Variants in FLNB observed in about 807,000 individuals in gnomAD.
FLNB encodes filamin B, also known as filamin-B.
In FLNB, 111 loss-of-function variants were observed where a neutral mutation model predicts 250.6. The observed-to-expected ratio is 0.44, with a 90% CI of 0.38 to 0.52. The LOEUF is 0.52. FLNB is among the 20% of genes least tolerant of loss of function. The pLI is 0.00. For synonymous variants in FLNB, 1,302 were observed against 1,372.1 expected, an observed-to-expected ratio of 0.95 and a Z score of 1.13; for missense variants, 2,869 against 3,447.8, an observed-to-expected ratio of 0.83 and a Z score of 4.20.
intron 1 of FLNB, among the ~76,000 whole-genome samples, chr3:58,067,044 G>C (rs2097186584): frequency 6.6e-6 from 1 of 152,186 alleles, no homozygotes; most frequent in Non-Finnish European, 1.5e-5. Flanking sequence ...TCAAATCAGG[G>C]ATTAGGGAAT....
chr3:58,168,575 T>C lies in FLNB; in HGVS notation c.7334T>C (p.Met2445Thr). 1 of 1,614,202 alleles carries C rather than the reference T, an allele frequency of 6.2e-7. No homozygotes were observed. The change falls in exon 44 of 46, where the codon ATG (methionine) becomes ACG (threonine). Residue 2445 changes from methionine to threonine, a missense_variant. Physicochemically the swap from Met to Thr is moderately conservative, Grantham distance 81. Coordinates refer to ENST00000295956, the MANE Select transcript of FLNB (RefSeq NM_001457.4). ...GGGTACAAAGTCATGTACACCCCCA[T>C]GGCTCCTGGTAACTACCTGATCAGC... Reference protein sequence around the residue: ...PEGYKVMYTPMAPGNYLISVK... With the variant: ...PEGYKVMYTPTAPGNYLISVK...
chr3:58,154,341 A>G (rs1330949407), intron 39 of FLNB, among the ~76,000 whole-genome samples: 4 of 152,116 alleles, frequency 2.6e-5, no homozygotes, highest in Non-Finnish European at 5.9e-5. Context: ...TCAGGAGTTC[A>G]AGACCAGCCT....
intron 43 of FLNB, among the ~76,000 whole-genome samples, chr3:58,167,857 GC>G (rs761966708): frequency 6.6e-6 from 1 of 152,262 alleles, no homozygotes; most frequent in East Asian, 1.9e-4. Flanking sequence ...GGGTACGCAT[GC>G]CCCGTCAGCG....
chr3:58,095,234 T>TATTTATTTATTTATTC (rs1350760771), intron 5 of FLNB, among the ~76,000 whole-genome samples: 1 of 151,542 alleles, frequency 6.6e-6, no homozygotes, highest in East Asian at 1.9e-4. Flanking sequence ...TGTATGTATT[T>TATTTATTTATTTATTC]ATTTATTTAT....
rs767625705 is a variant in FLNB, at chr3:58,102,265, C to T, written c.1408C>T (p.Arg470Trp). Residue 470 changes from arginine to tryptophan, a missense_variant, in exon 9 of 46, where the codon CGG (arginine) becomes TGG (tryptophan). Arg to Trp is a moderately radical substitution (Grantham distance 101). Coordinates refer to ENST00000295956, the MANE Select transcript of FLNB (RefSeq NM_001457.4). Reference protein sequence around the residue: ...RGLQPKGVRIRETTDFKVDTK... With the variant: ...RGLQPKGVRIWETTDFKVDTK... ...CCTACAACCCAAAGGCGTCCGTATC[C>T]GGGAGACCACAGATTTCAAGGTTGA... 43 of 1,614,072 alleles carry T rather than the reference C, an allele frequency of 2.7e-5. No homozygotes were observed. The highest frequency in any genetic ancestry group is 8.3e-5 in the Admixed American group (5 of 60,006).
At chr3:58,136,681 CT>C (rs930336277) in intron 28 of FLNB, among the ~76,000 whole-genome samples, 209 of 137,358 alleles carry the variant, frequency 1.5e-3, no homozygotes, top group African/African-American at 4.9e-3. Flanking sequence ...TGGTTTCTTT[CT>C]TTTTTTTTCC....
At chr3:58,162,603 G>A (rs1244052115) in intron 42 of FLNB, 1 of 154,310 alleles carries the variant, frequency 6.5e-6, no homozygotes, top group African/African-American at 2.4e-5. Context: ...CCAAAACAGA[G>A]ACATTGAACA....
chr3:58,116,621 C>T (rs2097278439), intron 18 of FLNB, among the ~76,000 whole-genome samples: 2 of 152,108 alleles, frequency 1.3e-5, no homozygotes, highest in Admixed American at 6.5e-5. Flanking sequence ...AAAAGTAGAG[C>T]GCGTTTTGCC....
intron 1 of FLNB, among the ~76,000 whole-genome samples, chr3:58,025,597 C>A (rs549506766): frequency 1.3e-5 from 2 of 152,294 alleles, no homozygotes; most frequent in East Asian, 3.9e-4. Context: ...GGAGCTGCTT[C>A]CCTCCAGGAG....
chr3:58,127,959 C>T (rs2097300657), intron 24 of FLNB, among the ~76,000 whole-genome samples: 1 of 152,152 alleles, frequency 6.6e-6, no homozygotes, highest in South Asian at 2.1e-4. Context: ...TCTAAAAGGG[C>T]AGGCAAGTGT....
intron 1 of FLNB, among the ~76,000 whole-genome samples, chr3:58,011,148 C>T (rs2106667985): frequency 6.6e-6 from 1 of 152,252 alleles, no homozygotes; most frequent in South Asian, 2.1e-4. Context: ...CTCTTGACCT[C>T]ATGATATGCC....
At chr3:58,056,009 G>A (rs1427387737) in intron 1 of FLNB, among the ~76,000 whole-genome samples, 1 of 151,802 alleles carries the variant, frequency 6.6e-6, no homozygotes. Context: ...AAAACGACAG[G>A]TGCTGCTAAT....
chr3:58,084,660 T>C (rs2097214449), intron 4 of FLNB, among the ~76,000 whole-genome samples: 1 of 152,242 alleles, frequency 6.6e-6, no homozygotes, highest in South Asian at 2.1e-4. Flanking sequence ...AGTGTGGCAT[T>C]AAGTGTATTC....
chr3:58,077,335 G>C (rs1376784039), intron 2 of FLNB, 41 bp downstream of exon 2: 2 of 1,605,412 alleles, frequency 1.2e-6, no homozygotes, highest in Non-Finnish European at 1.7e-6. Flanking sequence ...TCCAGGATGG[G>C]GGTGTGTGGG....
Position 58,123,705 on chromosome 3 carries a change from A to T in FLNB, c.3724+15A>T, listed in dbSNP as rs1342984150. 3.0e-5 allele frequency: 6 copies of T among 199,168 alleles called. No individual in the cohort carries two copies. The highest frequency in any genetic ancestry group is 1.3e-4 in the Admixed American group (1 of 7,742). The allele number at this position is 199,168 out of a possible 1,614,324, so 12.3% of individuals were successfully genotyped here. On this transcript the variant is annotated intron_variant, in intron 21 of 45. Coordinates refer to ENST00000295956, the MANE Select transcript of FLNB (RefSeq NM_001457.4). ...AGAAGGGAAAGGTGGGTTTCATTTAAAAAAAAAAAAAAAAAAAAAAAGACA... is the reference window on the plus strand; with the variant it reads ...AGAAGGGAAAGGTGGGTTTCATTTATAAAAAAAAAAAAAAAAAAAAAGACA...
intron 1 of FLNB, among the ~76,000 whole-genome samples, chr3:58,072,495 T>C (rs1315296331): frequency 6.6e-6 from 1 of 152,232 alleles, no homozygotes; most frequent in Non-Finnish European, 1.5e-5. Flanking sequence ...GTGTCTCATC[T>C]ACGTGATGGT....
rs765077949 is a variant in FLNB, at chr3:58,124,350, C to T, written c.3743C>T (p.Thr1248Ile). ...TCTGCAGATGTGTTCCGGGAAGCTA[C>T]CACCGACTTTACAGTTGACTCTCGG... ...IEGKDVFREATTDFTVDSRPL... is the reference protein window; with the variant it reads ...IEGKDVFREAITDFTVDSRPL... The change falls in exon 22 of 46, where the codon ACC (threonine) becomes ATC (isoleucine). Residue 1248 changes from threonine (T) to isoleucine (I), a missense_variant. Physicochemically the swap from Thr to Ile is moderately conservative, Grantham distance 89 (BLOSUM62 -1). Coordinates refer to ENST00000295956, the MANE Select transcript of FLNB (RefSeq NM_001457.4). 2 of 1,614,192 alleles carry T rather than the reference C, an allele frequency of 1.2e-6. No individual in the cohort carries two copies. The highest frequency in any genetic ancestry group is 1.7e-6 in the Non-Finnish European group (2 of 1,180,028).
At chr3:58,112,652 C>A (rs1415593916) in intron 18 of FLNB, among the ~76,000 whole-genome samples, 1 of 152,064 alleles carries the variant, frequency 6.6e-6, no homozygotes. Flanking sequence ...CACATGTGCA[C>A]ACACACACAC....
intron 1 of FLNB, among the ~76,000 whole-genome samples, chr3:58,059,613 C>T (rs531762334): frequency 2.0e-5 from 3 of 152,284 alleles, no homozygotes; most frequent in South Asian, 2.1e-4. Context: ...GGATATTTAT[C>T]GTGTGTTTCT....
Sources: allele counts gnomAD v4.1 joint callset (sites outside exome capture counted in the v4.1 genomes callset), GRCh38; gene constraint gnomAD v4.1.1; transcripts MANE v1.5; gene names NCBI Gene and HGNC (gene_info 2026-07-23, HGNC 2026-07-21).